The following DAW1 variants were observed in gnomAD, a reference collection of about 807,000 sequenced individuals.
DAW1 encodes dynein assembly factor with WD repeats 1.
DAW1 carries 47 observed loss-of-function variants against 56.5 expected under a neutral mutation model. That is an observed-to-expected ratio of 0.83 (90% CI 0.66 to 1.06). DAW1 has a LOEUF of 1.06. Ranked by LOEUF, DAW1 falls within the 50% of genes least tolerant of loss-of-function variation. The pLI is 0.00. For missense variants in DAW1, 505 were observed against 499.3 expected (o/e 1.01, Z -0.11); for synonymous variants, 190 against 179.0 (o/e 1.06, Z -0.49).
chr2:227,921,439 G>A lies in DAW1; in HGVS notation c.1091G>A (p.Ser364Asn), dbSNP rs541693633. The A allele has an allele frequency of 3.1e-6, 5 of 1,610,614 alleles. No homozygotes were observed. Among genetic ancestry groups the A allele is most frequent in the East Asian group, 2.2e-5 (1 of 44,612 alleles). Residue 364 changes from serine (S) to asparagine (N), a missense_variant, in exon 12 of 13, where the codon AGC (serine) becomes AAC (asparagine). Ser to Asn is a conservative substitution (Grantham distance 46). Transcript: ENST00000309931. Reference protein sequence around the residue: ...NPQGNHLLTGSSDKTARIWDA... With the variant: ...NPQGNHLLTGNSDKTARIWDA... The stretch of plus-strand genomic sequence containing the variant: ...CAAGGGAACCATCTTCTAACTGGCA[G>A]CTCTGACAAAACGGCTAGAATCTGG...
chr2:227,910,656 T>A (rs924765541), intron 10 of DAW1, among the ~76,000 whole-genome samples: 1 of 152,196 alleles, frequency 6.6e-6, no homozygotes, highest in African/African-American at 2.4e-5. Context: ...TACTTTATAC[T>A]ATTTCGGCAT....
chr2:227,913,990 CT>C (rs1691893278), intron 10 of DAW1, among the ~76,000 whole-genome samples: 4 of 39,834 alleles, frequency 1.0e-4, no homozygotes, highest in Non-Finnish European at 2.9e-4. Context: ...ATATCTGTAT[CT>C]CTCTCTCTCT....
chr2:227,909,342 A>G (rs1691765085), intron 10 of DAW1, among the ~76,000 whole-genome samples: 1 of 147,646 alleles, frequency 6.8e-6, no homozygotes, highest in African/African-American at 2.5e-5. Context: ...TTTATATTAT[A>G]TATTTGTACA....
chr2:227,918,877 G>T (rs1258844334), intron 11 of DAW1, 21 bp downstream of exon 11: 1 of 1,613,070 alleles, frequency 6.2e-7, no homozygotes, highest in Non-Finnish European at 8.5e-7. Context: ...TTCTCATTTG[G>T]AGGAGTTTAT....
intron 10 of DAW1, among the ~76,000 whole-genome samples, chr2:227,914,725 C>T (rs1305231229): frequency 6.6e-6 from 1 of 152,034 alleles, no homozygotes; most frequent in East Asian, 1.9e-4. Context: ...TACATCTTAT[C>T]AGGGTCATCA....
At chr2:227,877,251 T>C (rs1690902743) in intron 1 of DAW1, among the ~76,000 whole-genome samples, 1 of 152,248 alleles carries the variant, frequency 6.6e-6, no homozygotes, top group Non-Finnish European at 1.5e-5. Flanking sequence ...CAATCTTGGC[T>C]TACTGCAACC....
Position 227,885,363 on chromosome 2 carries a change from A to C in DAW1, c.53A>C (p.Glu18Ala). 1.9e-6 allele frequency: 3 copies of C among 1,598,538 alleles called. No individual in the cohort carries two copies. In the South Asian group the frequency reaches 3.4e-5, roughly 18 times the overall value. The stretch of plus-strand genomic sequence containing the variant: ...TTTATTTCTATAGGAATTATGTTGG[A>C]ATATGAAAAACATGGAGAATTAAAG... Reference protein sequence around the residue: ...LRYYPPGIMLEYEKHGELKTK... With the variant: ...LRYYPPGIMLAYEKHGELKTK... Residue 18 changes from glutamate (E) to alanine (A), a missense_variant, in exon 2 of 13, where the codon GAA becomes GCA. Physicochemically the swap from Glu to Ala is moderately radical, Grantham distance 107 (BLOSUM62 -1). Transcript: ENST00000309931.
At chr2:227,909,352 A>AT (rs1282866134) in intron 10 of DAW1, among the ~76,000 whole-genome samples, 1 of 147,582 alleles carries the variant, frequency 6.8e-6, no homozygotes, top group African/African-American at 2.5e-5. Flanking sequence ...ATATTTGTAC[A>AT]TTTTTATATA....
At chr2:227,902,664 T>C (rs1445859837) in intron 6 of DAW1, among the ~76,000 whole-genome samples, 1 of 152,028 alleles carries the variant, frequency 6.6e-6, no homozygotes, top group Admixed American at 6.6e-5. Flanking sequence ...TTGGAAGGAC[T>C]GTGGTGACAG....
chr2:227,905,079 G>GT (rs565046798), intron 8 of DAW1, 44 bp downstream of exon 8: 1 of 1,539,020 alleles, frequency 6.5e-7, no homozygotes, highest in East Asian at 2.3e-5. Context: ...GGATCAGGGG[G>GT]TTCAGAAAAC....
At chr2:227,909,672 C>A (rs1356785791) in intron 10 of DAW1, among the ~76,000 whole-genome samples, 3 of 152,038 alleles carry the variant, frequency 2.0e-5, no homozygotes, top group African/African-American at 4.8e-5. Context: ...CTGAGGAGGG[C>A]ACTGGTGTCA....
At chr2:227,889,673 T>A in intron 2 of DAW1, 183 bp from the exon 3 acceptor site, 1 of 435,214 alleles carries the variant, frequency 2.3e-6, no homozygotes, top group Non-Finnish European at 4.1e-6. Flanking sequence ...CCTGCCATCA[T>A]CTATTTACTG....
chr2:227,885,428 G>A lies in DAW1; in HGVS notation c.113+5G>A. 2 of 1,596,794 alleles carry A rather than the reference G, an allele frequency of 1.3e-6. No homozygotes were observed. Among genetic ancestry groups the A allele is most frequent in the Non-Finnish European group, 1.7e-6 (2 of 1,173,338 alleles). On this transcript the variant is annotated splice_donor_5th_base_variant and intron_variant, in intron 2 of 12. Transcript: ENST00000309931. ...TTTGCTTGATCTTGGTCCCAGGTAAGTAAGCTGTAGGATTCAACAAATAAA... is the reference window on the plus strand; with the variant it reads ...TTTGCTTGATCTTGGTCCCAGGTAAATAAGCTGTAGGATTCAACAAATAAA...
At chr2:227,901,622 G>A (rs1408069568) in intron 6 of DAW1, among the ~76,000 whole-genome samples, 1 of 152,188 alleles carries the variant, frequency 6.6e-6, no homozygotes, top group African/African-American at 2.4e-5. Flanking sequence ...GGAAACTAGA[G>A]AACAAAGGAT....
At chr2:227,874,662 C>T (rs907309555) in intron 1 of DAW1, among the ~76,000 whole-genome samples, 4 of 151,894 alleles carry the variant, frequency 2.6e-5, no homozygotes, top group African/African-American at 9.7e-5. Flanking sequence ...CCCAGAGCCC[C>T]AACCTTGGAT....
chr2:227,917,825 G>A (rs1691999602), intron 10 of DAW1, among the ~76,000 whole-genome samples: 1 of 151,738 alleles, frequency 6.6e-6, no homozygotes, highest in African/African-American at 2.4e-5. Context: ...GTCATTTTTT[G>A]TACCTCCTCA....
At chr2:227,873,026 G>A (rs1350363056) in intron 1 of DAW1, among the ~76,000 whole-genome samples, 2 of 152,168 alleles carry the variant, frequency 1.3e-5, no homozygotes, top group Admixed American at 6.6e-5. Context: ...ATTCTGTGCT[G>A]CTGACTTCTA....
intron 1 of DAW1, among the ~76,000 whole-genome samples, chr2:227,878,475 A>C (rs568277749): frequency 6.6e-6 from 1 of 152,306 alleles, no homozygotes; most frequent in African/African-American, 2.4e-5. Flanking sequence ...TAATCCCAGC[A>C]CTTTGAGAGG....
At chr2:227,907,299 T>G in intron 10 of DAW1, 47 bp downstream of exon 10, 1 of 1,490,466 alleles carries the variant, frequency 6.7e-7, no homozygotes, top group Non-Finnish European at 9.3e-7. Context: ...ATTTATGCTT[T>G]GCTTGATAAC....
Sources: gnomAD v4.1 joint callset for allele counts (sites outside exome capture counted in the v4.1 genomes callset) on GRCh38, gnomAD v4.1.1 for gene constraint, MANE v1.5 for transcripts, NCBI Gene and HGNC (gene_info 2026-07-23, HGNC 2026-07-21) for gene names.